TLR9: variants seen among roughly 807,000 people sequenced by gnomAD.
TLR9 encodes toll like receptor 9.
In TLR9, 19 loss-of-function variants were observed where a neutral mutation model predicts 24.6. The observed-to-expected ratio is 0.77, with a 90% CI of 0.54 to 1.13. TLR9 has a LOEUF of 1.13. TLR9 is among the 50% of genes most tolerant of loss of function. TLR9 has a pLI of 0.00. For missense variants in TLR9, 1,065 were observed against 1,379.6 expected, an observed-to-expected ratio of 0.77 and a Z score of 3.61; for synonymous variants, 579 against 609.8, an observed-to-expected ratio of 0.95 and a Z score of 0.74.
Position 52,223,229 on chromosome 3 carries a change from G to A in TLR9, c.1087C>T (p.Leu363=), listed in dbSNP as rs368125246. 1 of 1,613,910 alleles carries A rather than the reference G, an allele frequency of 6.2e-7. No homozygotes were observed. Among genetic ancestry groups the A allele is most frequent in the African/African-American group, 1.3e-5 (1 of 74,944 alleles). ...HLSLAPSFGS[L]VALKELDMHG... is the part of the protein sequence containing the mutation. ...ATGTCCAGCTCCTTCAGGGCGACCA[G>A]GCTCCCGAAGGAAGGGGCCAGAGAC... The change falls in exon 2 of 2, where the codon CTG becomes TTG. Residue 363 remains leucine (L), a synonymous_variant. Coordinates refer to ENST00000360658, the MANE Select transcript of TLR9 (RefSeq NM_017442.4).
Position 52,221,343 on chromosome 3 carries a change from A to T in TLR9, c.2973T>A (p.Ser991Arg), listed in dbSNP as rs1486529388. 1 of 1,581,370 alleles carries T rather than the reference A, an allele frequency of 6.3e-7. No individual in the cohort carries two copies. The highest frequency in any genetic ancestry group is 8.6e-7 in the Non-Finnish European group (1 of 1,161,944). Residue 991 changes from serine to arginine, a missense_variant, in exon 2 of 2, where the codon AGT becomes AGA. Coordinates refer to ENST00000360658, the MANE Select transcript of TLR9 (RefSeq NM_017442.4). This position sits in a 1 kb window ranked among gnomAD's most constrained non-coding sequence, Gnocchi z 9.9. ...TGGGCTGGTGGGGCCAGAGGAGGAC[A>T]CTCTGGCGGCAGAGGCGCTGGCGCA... ...VRLRQRLCRQSVLLWPHQPSG... is the reference protein window; with the variant it reads ...VRLRQRLCRQRVLLWPHQPSG...
Position 52,224,040 on chromosome 3 carries a change from G to A in TLR9, c.276C>T (p.Leu92=), listed in dbSNP as rs1699595009. 1 of 1,582,920 alleles carries A rather than the reference G, an allele frequency of 6.3e-7. No individual in the cohort carries two copies. Among genetic ancestry groups the A allele is most frequent in the Non-Finnish European group, 8.6e-7 (1 of 1,160,666 alleles). ...DFAHLPSLRH[L]NLKWNCPPVG... is the part of the protein sequence containing the mutation. The stretch of plus-strand genomic sequence containing the variant: ...CCGGCGGGCAGTTCCACTTGAGGTT[G>A]AGATGCCGCAGGCTGGGCAGGTGGG... Residue 92 remains leucine, a synonymous_variant, in exon 2 of 2, where the codon CTC becomes CTT. Coordinates refer to ENST00000360658, the MANE Select transcript of TLR9 (RefSeq NM_017442.4).
chr3:52,221,187 G>T lies in TLR9; in HGVS notation c.*30C>A. ...CAGGCAGAGGTGAGGTGAGTGTGGA[G>T]GTGGCACCGTGCAGGATTCCGGCTC... On this transcript the variant is annotated 3_prime_UTR_variant, in exon 2 of 2. Coordinates refer to ENST00000360658, the MANE Select transcript of TLR9 (RefSeq NM_017442.4). This position sits in a 1 kb window ranked among gnomAD's most constrained non-coding sequence, Gnocchi z 9.9. 6.6e-7 allele frequency: 1 copy of T among 1,505,716 alleles called. No homozygotes were observed. The highest frequency in any genetic ancestry group is 1.3e-5 in the South Asian group (1 of 74,154). 93.3% of individuals were successfully genotyped at this position (1,505,716 alleles called of 1,614,324 possible). A position where few individuals can be genotyped will look rare whatever the true frequency, so the allele number is the denominator to read the frequency against.
rs991556688 is a variant in TLR9, at chr3:52,224,866, C to T, written c.4-554G>A. Among the ~76,000 whole-genome samples, 3 of 152,386 alleles carry T rather than the reference C, an allele frequency of 2.0e-5. No individual in the cohort carries two copies. In the South Asian group the frequency reaches 6.2e-4, roughly 32 times the overall value. The stretch of plus-strand genomic sequence containing the variant: ...GCTCCATCACTCTCTGCCTGCCTCA[C>T]CTAGCCCGAGAGCCTTTGCCTTATG... On this transcript the variant is annotated intron_variant, in intron 1 of 1. Transcript: ENST00000360658.
chr3:52,224,171 A>G lies in TLR9; in HGVS notation c.145T>C (p.Phe49Leu). Residue 49 changes from phenylalanine (F) to leucine (L), a missense_variant, in exon 2 of 2, where the codon TTC becomes CTC. By Grantham distance (22) the Phe-to-Leu change is conservative (BLOSUM62 0). Coordinates refer to ENST00000360658, the MANE Select transcript of TLR9 (RefSeq NM_017442.4). ...GAGAAGTGGGGCACAGACTTCAGGA[A>G]CAGCCAGTTGCAGTTCACCAGGCCG... ...PHGLVNCNWL[F>L]LKSVPHFSMA... 1.9e-6 allele frequency: 3 copies of G among 1,602,964 alleles called. No homozygotes were observed. Among genetic ancestry groups the G allele is most frequent in the Non-Finnish European group, 2.6e-6 (3 of 1,172,312 alleles).
Position 52,221,387 on chromosome 3 carries a change from G to A in TLR9, c.2929C>T (p.Arg977Cys), listed in dbSNP as rs375003304. 1.4e-5 allele frequency: 23 copies of A among 1,590,150 alleles called. No individual in the cohort carries two copies. Among genetic ancestry groups the A allele is most frequent in the Admixed American group, 1.7e-5 (1 of 57,650 alleles). The change falls in exon 2 of 2, where the codon CGC (arginine) becomes TGC (cysteine). Residue 977 changes from arginine to cysteine, a missense_variant. Arg to Cys is a radical substitution (Grantham distance 180, BLOSUM62 -3). Transcript: ENST00000360658. This position sits in a 1 kb window ranked among gnomAD's most constrained non-coding sequence, Gnocchi z 9.9. ...TGGCGCAGCCGCACGTAGCGGGAGCGGCGGCCGTCAGGGCTCAGGATCACC... is the reference window on the plus strand; with the variant it reads ...TGGCGCAGCCGCACGTAGCGGGAGCAGCGGCCGTCAGGGCTCAGGATCACC... ...VLVILSPDGRRSRYVRLRQRL... is the reference protein window; with the variant it reads ...VLVILSPDGRCSRYVRLRQRL...
At position 52,221,116 on chromosome 3, in the gene TLR9, G is replaced by A. The variant is rs1699545743; in HGVS notation, c.*101C>T. 1.8e-6 allele frequency: 2 copies of A among 1,108,724 alleles called. No homozygotes were observed. Among genetic ancestry groups the A allele is most frequent in the South Asian group, 1.8e-5 (1 of 56,716 alleles). The allele number at this position is 1,108,724 out of a possible 1,614,324, so 68.7% of individuals were successfully genotyped here. ...AGCATTTATTGAGTGCCTGCTCTGT[G>A]TCAGGTGTGGGGTGAGGGAGGCGAG... On this transcript the variant is annotated 3_prime_UTR_variant, in exon 2 of 2. Transcript: ENST00000360658. The surrounding 1 kb of genome is among the most constrained non-coding windows in gnomAD (Gnocchi z 9.9).
chr3:52,225,617 C>T lies in TLR9; in HGVS notation c.-88G>A. 6.5e-7 allele frequency: 1 copy of T among 1,543,904 alleles called. No homozygotes were observed. The highest frequency in any genetic ancestry group is 1.2e-5 in the South Asian group (1 of 85,194). ...GGATGCTTCACACTCGAGGTCCCTT[C>T]CCACAGGGGCAGCAGCGGCTCAGAG... On this transcript the variant is annotated 5_prime_UTR_variant, in exon 1 of 2. Coordinates refer to ENST00000360658, the MANE Select transcript of TLR9 (RefSeq NM_017442.4).
Position 52,225,597 on chromosome 3 carries a change from C to A in TLR9, c.-68G>T. On this transcript the variant is annotated 5_prime_UTR_variant, in exon 1 of 2. Transcript: ENST00000360658. ...TGGACAGCAGCTACAGGGAAGGATG[C>A]TTCACACTCGAGGTCCCTTCCCACA... 6.4e-7 allele frequency: 1 copy of A among 1,571,036 alleles called. No homozygotes were observed. The highest frequency in any genetic ancestry group is 8.6e-7 in the Non-Finnish European group (1 of 1,164,326).
intron 1 of TLR9, 97 bp from the exon 2 acceptor site, chr3:52,224,409 C>A: frequency 1.0e-6 from 1 of 965,952 alleles, no homozygotes; most frequent in South Asian, 1.6e-5. Flanking sequence ...CAACCCCTCT[C>A]TCCAAGCCCT....
At position 52,222,909 on chromosome 3, in the gene TLR9, G is replaced by A; in HGVS notation, c.1407C>T (p.Asn469=). 1 of 1,604,590 alleles carries A rather than the reference G, an allele frequency of 6.2e-7. No homozygotes were observed. Among genetic ancestry groups the A allele is most frequent in the Non-Finnish European group, 8.5e-7 (1 of 1,172,950 alleles). ...DTPSSEDFRP[N]CSTLNFTLDL... ...CCAAGGTGAAGTTGAGGGTGCTGCA[G>A]TTGGGCCTGAAGTCTTCAGAGCTGG... Residue 469 remains asparagine (N), a synonymous_variant, in exon 2 of 2, where the codon AAC becomes AAT. Coordinates refer to ENST00000360658, the MANE Select transcript of TLR9 (RefSeq NM_017442.4).
chr3:52,222,609 G>A lies in TLR9; in HGVS notation c.1707C>T (p.Ser569=). ...GCAGGGTGCGCAGGTGAGCCACGAA[G>A]CTGAAGTTGTGGCCCACGCCCTGCA... is the stretch of plus-strand genomic sequence containing the variant. ...FGMQGVGHNF[S]FVAHLRTLRH... The change falls in exon 2 of 2, where the codon AGC becomes AGT. Residue 569 remains serine (S), a synonymous_variant. Transcript: ENST00000360658. 4 of 1,614,136 alleles carry A rather than the reference G, an allele frequency of 2.5e-6. No individual in the cohort carries two copies. Among genetic ancestry groups the A allele is most frequent in the Non-Finnish European group, 3.4e-6 (4 of 1,180,042 alleles).
At position 52,223,581 on chromosome 3, in the gene TLR9, G is replaced by A; in HGVS notation, c.735C>T (p.Ala245=). Residue 245 remains alanine, a synonymous_variant, in exon 2 of 2, where the codon GCC becomes GCT. Transcript: ENST00000360658. Reference sequence around the variant, plus strand: ...TTCCGCCCACATCGAGCACACGCAGGGCGGTCAGATTGGCCAGGTCCTCAG... The same window carrying A: ...TTCCGCCCACATCGAGCACACGCAGAGCGGTCAGATTGGCCAGGTCCTCAG... ...LAPEDLANLT[A]LRVLDVGGNC... is the part of the protein sequence containing the mutation. 6.5e-7 allele frequency: 1 copy of A among 1,541,728 alleles called. No individual in the cohort carries two copies.
Position 52,223,445 on chromosome 3 carries a change from A to G in TLR9, c.871T>C (p.Leu291=). The change falls in exon 2 of 2, where the codon TTG becomes CTG. Residue 291 remains leucine (L), a synonymous_variant. Transcript: ENST00000360658. ...AGCCAGGAGAGAGAACTGTCCTTCAACACCAGGCCTTCAAGACGGCTCAGG... is the reference window on the plus strand; with the variant it reads ...AGCCAGGAGAGAGAACTGTCCTTCAGCACCAGGCCTTCAAGACGGCTCAGG... ...SHLSRLEGLV[L]KDSSLSWLNA... 1.3e-6 allele frequency: 2 copies of G among 1,597,660 alleles called. No homozygotes were observed. The highest frequency in any genetic ancestry group is 1.1e-5 in the South Asian group (1 of 88,938).
In TLR9 at chr3:52,224,125, T is replaced by C; in HGVS notation, c.191A>G (p.Asn64Ser). 6.4e-7 allele frequency: 1 copy of C among 1,574,104 alleles called. No homozygotes were observed. Among genetic ancestry groups the C allele is most frequent in the Non-Finnish European group, 8.7e-7 (1 of 1,154,850 alleles). The change falls in exon 2 of 2, where the codon AAT becomes AGT. Residue 64 changes from asparagine (N) to serine (S), a missense_variant. Transcript: ENST00000360658. ...GGAGGACAAGGAAAGGCTGGTGACA[T>C]TGCCACGGGGTGCTGCCATGGAGAA... is the stretch of plus-strand genomic sequence containing the variant. ...PHFSMAAPRG[N>S]VTSLSLSSNR...
chr3:52,223,047 C>A lies in TLR9; in HGVS notation c.1269G>T (p.Ser423=). The A allele has an allele frequency of 6.3e-7, 1 of 1,590,834 alleles. No homozygotes were observed. Among genetic ancestry groups the A allele is most frequent in the Non-Finnish European group, 8.6e-7 (1 of 1,166,284 alleles). ...CCGAAGCTCCGCTGATGCGGTTGTC[C>A]GACAGGTCCACGTAGCGCAGGCCAG... ...AFPGLRYVDL[S]DNRISGASEL... The change falls in exon 2 of 2, where the codon TCG becomes TCT. Residue 423 remains serine, a synonymous_variant. Coordinates refer to ENST00000360658, the MANE Select transcript of TLR9 (RefSeq NM_017442.4).
chr3:52,221,814 C>A lies in TLR9; in HGVS notation c.2502G>T (p.Met834Ile), dbSNP rs1699557561. ...GGTCCCAGCCACAGAGGTGATGCAG[C>A]ATGGGCACACCCAGGCCCAGAGCCA... Reference protein sequence around the residue: ...LAVALGLGVPMLHHLCGWDLW... With the variant: ...LAVALGLGVPILHHLCGWDLW... The change falls in exon 2 of 2, where the codon ATG (methionine) becomes ATT (isoleucine). Residue 834 changes from methionine to isoleucine, a missense_variant. Met to Ile is a conservative substitution (Grantham distance 10). Transcript: ENST00000360658. This position sits in a 1 kb window ranked among gnomAD's most constrained non-coding sequence, Gnocchi z 9.9. 8 of 1,613,926 alleles carry A rather than the reference C, an allele frequency of 5.0e-6. No homozygotes were observed. The highest frequency in any genetic ancestry group is 6.8e-6 in the Non-Finnish European group (8 of 1,180,036).
chr3:52,222,202 C>T lies in TLR9; in HGVS notation c.2114G>A (p.Arg705Lys), dbSNP rs1349946976. 1 of 1,614,094 alleles carries T rather than the reference C, an allele frequency of 6.2e-7. No individual in the cohort carries two copies. Among genetic ancestry groups the T allele is most frequent in the South Asian group, 1.1e-5 (1 of 91,072 alleles). The part of the protein sequence containing the change: ...GSLPAGTRLR[R>K]LDVSCNSISF... ...GATGCTGTTGCAGCTGACATCCAGC[C>T]TCCGGAGCCGGGTGCCAGCAGGCAG... The change falls in exon 2 of 2, where the codon AGG becomes AAG. Residue 705 changes from arginine to lysine, a missense_variant. Arg to Lys is a conservative substitution (Grantham distance 26, BLOSUM62 2). Coordinates refer to ENST00000360658, the MANE Select transcript of TLR9 (RefSeq NM_017442.4).
chr3:52,221,099 T>G lies in TLR9; in HGVS notation c.*118A>C. The stretch of plus-strand genomic sequence containing the variant: ...GCCATCTAGCCTTCGGTAGCATTTA[T>G]TGAGTGCCTGCTCTGTGTCAGGTGT... On this transcript the variant is annotated 3_prime_UTR_variant, in exon 2 of 2. Coordinates refer to ENST00000360658, the MANE Select transcript of TLR9 (RefSeq NM_017442.4). The surrounding 1 kb of genome is among the most constrained non-coding windows in gnomAD (Gnocchi z 9.9). 1.1e-6 allele frequency: 1 copy of G among 914,574 alleles called. No homozygotes were observed. Among genetic ancestry groups the G allele is most frequent in the Non-Finnish European group, 1.6e-6 (1 of 620,186 alleles). 56.7% of individuals were successfully genotyped at this position (914,574 alleles called of 1,614,324 possible). A position where few individuals can be genotyped will look rare whatever the true frequency, so the allele number is the denominator to read the frequency against.
Sources: allele counts gnomAD v4.1 joint callset (sites outside exome capture counted in the v4.1 genomes callset), GRCh38; gene constraint gnomAD v4.1.1; non-coding constraint Gnocchi (gnomAD v3.1); transcripts MANE v1.5; gene names NCBI Gene and HGNC (gene_info 2026-07-23, HGNC 2026-07-21).